The following PTPRT variants were observed in gnomAD, a reference collection of about 807,000 sequenced individuals.
PTPRT encodes the protein protein tyrosine phosphatase receptor type T.
A neutral mutation model predicts 176.8 loss-of-function variants in PTPRT; 56 were observed. The observed-to-expected ratio is 0.32, with a 90% CI of 0.26 to 0.40. The LOEUF (loss-of-function observed/expected upper bound fraction) is 0.40, where lower values mean the gene tolerates loss of function less well. PTPRT is among the 10% of genes least tolerant of loss of function. The probability of loss-of-function intolerance (pLI) is 1.00; values close to 1 mark genes in which losing one functional copy is unlikely to be tolerated. For synonymous variants in PTPRT, 783 were observed against 739.0 expected (o/e 1.06, Z -0.96); for missense variants, 1,540 against 1,908.2 (o/e 0.81, Z 3.60).
At chr20:42,351,313 T>C (rs991576608) in intron 10 of PTPRT, among the ~76,000 whole-genome samples, 11 of 152,228 alleles carry the variant, frequency 7.2e-5, no homozygotes, top group African/African-American at 2.7e-4. Context: ...AACTTTATTT[T>C]GTAACATGTT....
chr20:43,177,761 C>G (rs1055213143), intron 1 of PTPRT, among the ~76,000 whole-genome samples: 1 of 152,166 alleles, frequency 6.6e-6, no homozygotes, highest in African/African-American at 2.4e-5. Flanking sequence ...TCAAGTCAAC[C>G]TTCAATAAAA....
intron 6 of PTPRT, among the ~76,000 whole-genome samples, chr20:42,701,137 G>T (rs1283679246): frequency 6.6e-6 from 1 of 152,150 alleles, no homozygotes; most frequent in Non-Finnish European, 1.5e-5. Context: ...CCACCGCAGA[G>T]TCATGAGTGG....
At chr20:42,840,216 G>C (rs1348919523) in intron 2 of PTPRT, among the ~76,000 whole-genome samples, 2 of 69,948 alleles carry the variant, frequency 2.9e-5, no homozygotes, top group African/African-American at 8.7e-5. Flanking sequence ...ATCTCTGCCT[G>C]CGTTGTCACG....
chr20:42,217,701 C>T (rs1484326823), intron 15 of PTPRT, among the ~76,000 whole-genome samples: 1 of 152,118 alleles, frequency 6.6e-6, no homozygotes, highest in Non-Finnish European at 1.5e-5. Flanking sequence ...TAGTAGCATC[C>T]TCCTTGGTTT....
intron 7 of PTPRT, among the ~76,000 whole-genome samples, chr20:42,606,010 C>T (rs1257892506): frequency 2.6e-5 from 4 of 152,174 alleles, no homozygotes; most frequent in African/African-American, 9.7e-5. Context: ...GGCAGTAGAA[C>T]AGAAATGAAG....
chr20:43,140,464 G>A (rs946662220), intron 1 of PTPRT, among the ~76,000 whole-genome samples: 1 of 51,040 alleles, frequency 2.0e-5, no homozygotes, highest in African/African-American at 4.1e-5. Flanking sequence ...GTGTGTGTGT[G>A]TGTGTGTGTG....
At position 42,161,277 on chromosome 20, in the gene PTPRT, T is replaced by A. The variant is rs1039256154; in HGVS notation, c.2682+75A>T. On this transcript the variant is annotated intron_variant, in intron 17 of 30. Coordinates refer to ENST00000373187, the MANE Select transcript of PTPRT (RefSeq NM_007050.6). Reference sequence around the variant, plus strand: ...AGGCTGCTGGCCAGGGAGCCATACTTTTTGTAGCAAGGCTTTAGTGCCCAA... The same window carrying A: ...AGGCTGCTGGCCAGGGAGCCATACTATTTGTAGCAAGGCTTTAGTGCCCAA... 1.2e-5 allele frequency: 18 copies of A among 1,563,094 alleles called. No individual in the cohort carries two copies. In the Admixed American group the frequency reaches 2.7e-4, roughly 23 times the overall value.
intron 1 of PTPRT, chr20:43,063,329 T>C (rs189442554): frequency 2.6e-5 from 4 of 152,156 alleles, no homozygotes. Flanking sequence ...AACTTCGGGA[T>C]GTGAGGGCAA....
chr20:43,130,579 AAAGG>A (rs1246049365), intron 1 of PTPRT, among the ~76,000 whole-genome samples: 2 of 152,206 alleles, frequency 1.3e-5, no homozygotes, highest in African/African-American at 4.8e-5. Context: ...ATAAAGAAAA[AAAGG>A]AACTTATTTT....
intron 7 of PTPRT, among the ~76,000 whole-genome samples, chr20:42,518,422 A>G (rs2072109011): frequency 6.6e-6 from 1 of 152,068 alleles, no homozygotes; most frequent in South Asian, 2.1e-4. Flanking sequence ...GATTGCTGTC[A>G]AGATTTTACT....
intron 1 of PTPRT, among the ~76,000 whole-genome samples, chr20:42,981,217 G>A (rs1983253539): frequency 6.6e-6 from 1 of 152,174 alleles, no homozygotes; most frequent in African/African-American, 2.4e-5. Context: ...CTGTGTAAAT[G>A]TACCTCCTTC....
At chr20:42,071,392 C>T (rs1982327111), downstream of PTPRT, among the ~76,000 whole-genome samples, 1 of 152,194 alleles carries the variant, frequency 6.6e-6, no homozygotes, top group Admixed American at 6.5e-5. Flanking sequence ...CTTTTGGGCT[C>T]ATATCTGTTC....
At chr20:42,755,598 T>C (rs567756491) in intron 6 of PTPRT, among the ~76,000 whole-genome samples, 1 of 151,022 alleles carries the variant, frequency 6.6e-6, no homozygotes, top group East Asian at 2.0e-4. Flanking sequence ...AAAAGCAATA[T>C]TGCAACACAA....
intron 1 of PTPRT, among the ~76,000 whole-genome samples, chr20:43,066,486 G>A (rs979737931): frequency 2.6e-5 from 4 of 152,114 alleles, no homozygotes; most frequent in South Asian, 2.1e-4. Flanking sequence ...GGAATAAGTC[G>A]GTATGCTTTT....
intron 1 of PTPRT, among the ~76,000 whole-genome samples, chr20:42,965,128 C>T (rs889328678): frequency 1.3e-5 from 2 of 152,116 alleles, no homozygotes; most frequent in East Asian, 1.9e-4. Flanking sequence ...GGAAAGATAA[C>T]GCCAGGGAAG....
intron 2 of PTPRT, among the ~76,000 whole-genome samples, chr20:42,808,037 T>G (rs2077638416): frequency 6.6e-6 from 1 of 152,196 alleles, no homozygotes; most frequent in Non-Finnish European, 1.5e-5. Flanking sequence ...TCCCAAGGTC[T>G]GCCTTTCTGA....
At chr20:42,524,004 A>C (rs1000554417) in intron 7 of PTPRT, among the ~76,000 whole-genome samples, 3 of 152,126 alleles carry the variant, frequency 2.0e-5, no homozygotes, top group Non-Finnish European at 2.9e-5. Flanking sequence ...CTCTAAAAAA[A>C]AAATTGCACA....
intron 7 of PTPRT, among the ~76,000 whole-genome samples, chr20:42,526,895 T>C (rs1409673423): frequency 6.6e-6 from 1 of 151,922 alleles, no homozygotes. Context: ...AAGATTAATG[T>C]CATAGGATTA....
rs566683729 is a variant in PTPRT at position 42,415,540 on chromosome 20, G to A, written c.1560+32680C>T. On this transcript the variant is annotated intron_variant, in intron 9 of 30. Transcript: ENST00000373187. Reference sequence around the variant, plus strand: ...TTGCTCTGCCTTTCTGGAAAACATTGTTCTCCTGCATGGTAGTGGGGAAGA... The same window carrying A: ...TTGCTCTGCCTTTCTGGAAAACATTATTCTCCTGCATGGTAGTGGGGAAGA... Among the ~76,000 whole-genome samples the A allele has an allele frequency of 2.0e-5, 3 of 152,186 alleles. No individual in the cohort carries two copies. In the South Asian group the frequency reaches 6.2e-4, roughly 32 times the overall value.
Sources: gnomAD v4.1 joint callset for allele counts (sites outside exome capture counted in the v4.1 genomes callset) on GRCh38, gnomAD v4.1.1 for gene constraint, MANE v1.5 for transcripts, NCBI Gene and HGNC (gene_info 2026-07-23, HGNC 2026-07-21) for gene names.